The following RBPJL variants were observed in gnomAD, a reference collection of about 807,000 sequenced individuals.
RBPJL encodes the protein recombination signal binding protein for immunoglobulin kappa J region like.
Under a neutral mutation model 57.6 loss-of-function variants are expected in RBPJL, and 50 were observed. That is an observed-to-expected ratio of 0.87 (90% CI 0.69 to 1.10). The LOEUF (loss-of-function observed/expected upper bound fraction) is 1.10, where lower values mean the gene tolerates loss of function less well. Ranked by LOEUF, RBPJL falls within the 50% of genes least tolerant of loss-of-function variation. The probability of loss-of-function intolerance (pLI) is 0.00; values close to 1 mark genes in which losing one functional copy is unlikely to be tolerated. For synonymous variants in RBPJL, 303 were observed against 294.4 expected, an observed-to-expected ratio of 1.03 and a Z score of -0.30; for missense variants, 684 against 693.7, an observed-to-expected ratio of 0.99 and a Z score of 0.16.
intron 5 of RBPJL, 50 bp from the exon 6 acceptor site, chr20:45,312,171 C>T (rs1433824109): frequency 6.2e-7 from 1 of 1,612,402 alleles, no homozygotes; most frequent in Non-Finnish European, 8.5e-7. Context: ...TTGGTTCATC[C>T]GACGGGGGAG....
At chr20:45,311,033 G>A (rs753271181) in intron 3 of RBPJL, among the ~76,000 whole-genome samples, 1 of 151,634 alleles carries the variant, frequency 6.6e-6, no homozygotes, top group South Asian at 2.1e-4. Context: ...GGATCAGTTG[G>A]GGAGGCAGAA....
In RBPJL at chr20:45,316,584, C is replaced by T. The variant is rs1290270944; in HGVS notation, c.1280+4C>T. On this transcript the variant is annotated splice_donor_region_variant and intron_variant, in intron 11 of 11. Transcript: ENST00000343694. ...TGGAGGCAGAAACCATGTACAGGTA[C>T]GGGGTGGTGAGGCAGCCTCTCTTGG... 1.3e-6 allele frequency: 2 copies of T among 1,524,414 alleles called. No homozygotes were observed. Among genetic ancestry groups the T allele is most frequent in the East Asian group, 2.5e-5 (1 of 40,582 alleles). 94.4% of individuals were successfully genotyped at this position (1,524,414 alleles called of 1,614,324 possible).
chr20:45,309,545 G>A (rs766669653), intron 2 of RBPJL, 22 bp from the exon 3 acceptor site: 16 of 1,589,472 alleles, frequency 1.0e-5, no homozygotes, highest in Admixed American at 8.8e-5. Context: ...GTGGCTGGTC[G>A]ACCTGCCTGC....
rs536195781 is a variant in RBPJL at position 45,316,240 on chromosome 20, C to T, written c.1074C>T (p.Cys358=). The part of the protein sequence containing the change: ...ANRALLNDSS[C]WTIIGTESVE... ...GGGCTCTGCTTAACGACAGCTCTTG[C>T]TGGACCATCATCGGCACCGAGTCGG... Residue 358 remains cysteine, a synonymous_variant, in exon 10 of 12, where the codon TGC becomes TGT. Transcript: ENST00000343694. 6.2e-7 allele frequency: 1 copy of T among 1,614,258 alleles called. No homozygotes were observed. Among genetic ancestry groups the T allele is most frequent in the Admixed American group, 1.7e-5 (1 of 60,034 alleles).
At chr20:45,309,467 C>T (rs1456709311) in intron 2 of RBPJL, 100 bp from the exon 3 acceptor site, 2 of 1,332,356 alleles carry the variant, frequency 1.5e-6, no homozygotes, top group Non-Finnish European at 2.0e-6. Context: ...CACTCTAACC[C>T]CCTGCTCACT....
chr20:45,309,328 C>A (rs1987016198), intron 2 of RBPJL, among the ~76,000 whole-genome samples: 1 of 152,170 alleles, frequency 6.6e-6, no homozygotes, highest in Non-Finnish European at 1.5e-5. Context: ...GGGTTCCATG[C>A]AGGCTTCGTT....
intron 6 of RBPJL, among the ~76,000 whole-genome samples, chr20:45,312,902 G>C (rs943598338): frequency 2.0e-5 from 3 of 151,902 alleles, no homozygotes; most frequent in Non-Finnish European, 4.4e-5. Flanking sequence ...CAGCTACGTG[G>C]GAGGCTGAGA....
At position 45,316,949 on chromosome 20, in the gene RBPJL, T is replaced by C. The variant is rs1295338811; in HGVS notation, c.1544T>C (p.Ile515Thr). 2 of 1,611,984 alleles carry C rather than the reference T, an allele frequency of 1.2e-6. No individual in the cohort carries two copies. Residue 515 changes from isoleucine to threonine, a missense_variant, in exon 12 of 12, where the codon ATC becomes ACC. By Grantham distance (89) the Ile-to-Thr change is moderately conservative (BLOSUM62 -1). Coordinates refer to ENST00000343694, the MANE Select transcript of RBPJL (RefSeq NM_014276.4). ...EFTRTNFHLF[I>T]QT ...ACGCGCACCAACTTCCACCTCTTCA[T>C]CCAGACTTAGGCGCGCCCGGTAGCC...
At chr20:45,308,836 C>A (rs926616284) in intron 2 of RBPJL, among the ~76,000 whole-genome samples, 2 of 152,032 alleles carry the variant, frequency 1.3e-5, no homozygotes, top group South Asian at 2.1e-4. Context: ...CCGCTCAAGA[C>A]CCCCAGGTTA....
At chr20:45,309,187 C>T (rs1568886981) in intron 2 of RBPJL, among the ~76,000 whole-genome samples, 1 of 152,004 alleles carries the variant, frequency 6.6e-6, no homozygotes, top group Non-Finnish European at 1.5e-5. Context: ...ATTCCATCAG[C>T]CCTAAAATAC....
At chr20:45,313,798 C>T (rs1288964678) in intron 7 of RBPJL, among the ~76,000 whole-genome samples, 193 bp downstream of exon 7, 1 of 152,212 alleles carries the variant, frequency 6.6e-6, no homozygotes, top group Admixed American at 6.5e-5. Context: ...CATGCCCTTT[C>T]CCCATATATC....
At position 45,311,755 on chromosome 20, in the gene RBPJL, G is replaced by C. The variant is rs150499948; in HGVS notation, c.329-84G>C. On this transcript the variant is annotated intron_variant, in intron 4 of 11. Coordinates refer to ENST00000343694, the MANE Select transcript of RBPJL (RefSeq NM_014276.4). ...GGCGGTTCGCAGGCGCAGTCTCCCC[G>C]CGCCCTCTGGCGGCGAGCGCTAAGC... The C allele has an allele frequency of 3.5e-4, 537 of 1,544,664 alleles. 1 individual carries two copies. The African/African-American group carries it at 6.1e-3, about 18-fold the overall frequency.
At position 45,316,456 on chromosome 20, in the gene RBPJL, C is replaced by T. The variant is rs202095315; in HGVS notation, c.1177-21C>T. 4.4e-5 allele frequency: 69 copies of T among 1,553,084 alleles called. 1 individual carries two copies. In the African/African-American group the frequency reaches 9.0e-4, roughly 20 times the overall value. On this transcript the variant is annotated intron_variant, in intron 10 of 11. Transcript: ENST00000343694. ...CGCCCTACTTGGTTCTCTCACCTCA[C>T]CTGGTCCCACCCTCCCCCAGCTGAG...
At position 45,311,597 on chromosome 20, in the gene RBPJL, G is replaced by A; in HGVS notation, c.266G>A (p.Cys89Tyr). 1 of 1,614,136 alleles carries A rather than the reference G, an allele frequency of 6.2e-7. No homozygotes were observed. The highest frequency in any genetic ancestry group is 8.5e-7 in the Non-Finnish European group (1 of 1,180,022). The change falls in exon 4 of 12, where the codon TGC becomes TAC. Residue 89 changes from cysteine to tyrosine, a missense_variant. Transcript: ENST00000343694. Reference sequence around the variant, plus strand: ...CTCACTTATCTCCGCAGGTTCTTCTGCCCCCCGCCCTGTGTCTACCTCTCG... The same window carrying A: ...CTCACTTATCTCCGCAGGTTCTTCTACCCCCCGCCCTGTGTCTACCTCTCG... ...KSYGNEKRFF[C>Y]PPPCVYLSGP...
At chr20:45,310,878 C>G (rs1035374254) in intron 3 of RBPJL, among the ~76,000 whole-genome samples, 2 of 151,938 alleles carry the variant, frequency 1.3e-5, no homozygotes, top group Non-Finnish European at 2.9e-5. Context: ...TTCGGCAGAC[C>G]CAGGTGGGCA....
chr20:45,308,116 C>T (rs1443057537), intron 1 of RBPJL, 27 bp from the exon 2 acceptor site: 1 of 1,543,110 alleles, frequency 6.5e-7, no homozygotes, highest in East Asian at 2.3e-5. Flanking sequence ...ACTCGCCTGA[C>T]CTGGCTTGAT....
At chr20:45,311,242 A>T (rs544947396) in intron 3 of RBPJL, among the ~76,000 whole-genome samples, 1 of 152,276 alleles carries the variant, frequency 6.6e-6, no homozygotes, top group Admixed American at 6.5e-5. Flanking sequence ...AATGGGAAGG[A>T]GATAGAAACA....
In RBPJL at chr20:45,316,972, GC is replaced by G. The variant is rs1356797975; in HGVS notation, c.*17del. ...CATCCAGACTTAGGCGCGCCCGGTA[GC>G]CCCGGCTGCCCACCCTGGAGGGCTG... is the stretch of plus-strand genomic sequence containing the variant. On this transcript the variant is annotated 3_prime_UTR_variant, in exon 12 of 12. Coordinates refer to ENST00000343694, the MANE Select transcript of RBPJL (RefSeq NM_014276.4). The G allele has an allele frequency of 6.2e-7, 1 of 1,604,706 alleles. No individual in the cohort carries two copies. The highest frequency in any genetic ancestry group is 1.7e-5 in the Admixed American group (1 of 59,522).
At chr20:45,308,005 G>A in intron 1 of RBPJL, 138 bp from the exon 2 acceptor site, 2 of 601,374 alleles carry the variant, frequency 3.3e-6, no homozygotes, top group South Asian at 2.2e-5. Context: ...TATTTTGATG[G>A]CTTTGAGGGT....
Sources: allele counts gnomAD v4.1 joint callset (sites outside exome capture counted in the v4.1 genomes callset), GRCh38; gene constraint gnomAD v4.1.1; transcripts MANE v1.5; gene names NCBI Gene and HGNC (gene_info 2026-07-23, HGNC 2026-07-21).